Variants in CAMTA1 observed in about 807,000 individuals in gnomAD.
CAMTA1 encodes the protein calmodulin binding transcription activator 1.
CAMTA1 carries 27 observed loss-of-function variants against 170.9 expected under a neutral mutation model. That is an observed-to-expected ratio of 0.16 (90% CI 0.12 to 0.22). CAMTA1 has a LOEUF of 0.22. Among genes scored for constraint, CAMTA1 ranks in the 10% least tolerant of loss-of-function variants. The probability of loss-of-function intolerance (pLI) is 1.00; values close to 1 mark genes in which losing one functional copy is unlikely to be tolerated. For synonymous variants in CAMTA1, 833 were observed against 891.5 expected (o/e 0.93, Z 1.17); for missense variants, 1,619 against 2,217.2 (o/e 0.73, Z 5.42).
chr1:6,862,835 C>T lies in CAMTA1; in HGVS notation c.234+37625C>T, dbSNP rs139108684. On this transcript the variant is annotated intron_variant, in intron 3 of 22. Coordinates refer to ENST00000303635, the MANE Select transcript of CAMTA1 (RefSeq NM_015215.4). Reference sequence around the variant, plus strand: ...TGTGGGTATTTCTCAGCAATTAGAGCGAGGCTCTTTTCTTTTCCCTTGTTT... The same window carrying T: ...TGTGGGTATTTCTCAGCAATTAGAGTGAGGCTCTTTTCTTTTCCCTTGTTT... Among the ~76,000 whole-genome samples the T allele has an allele frequency of 2.1e-3, 320 of 152,272 alleles. 1 individual carries two copies. Among genetic ancestry groups the T allele is most frequent in the African/African-American group, 7.2e-3 (299 of 41,558 alleles).
chr1:7,139,353 AT>A (rs1645759273), intron 4 of CAMTA1, among the ~76,000 whole-genome samples: 1 of 146,472 alleles, frequency 6.8e-6, no homozygotes, highest in Non-Finnish European at 1.5e-5. Flanking sequence ...GTATATAAAT[AT>A]TTTATATATA....
intron 5 of CAMTA1, among the ~76,000 whole-genome samples, chr1:7,398,189 CTCTCTATA>C (rs1443911419): frequency 1.9e-3 from 62 of 32,278 alleles, no homozygotes; most frequent in Middle Eastern, 0.019. Context: ...CTCTCTCTCT[CTCTCTATA>C]TATATATATA....
chr1:7,084,360 G>T (rs1301094327), intron 3 of CAMTA1, among the ~76,000 whole-genome samples: 1 of 152,198 alleles, frequency 6.6e-6, no homozygotes, highest in Admixed American at 6.5e-5. Flanking sequence ...GAAGCTGTGG[G>T]AGGGGAGGCT....
In CAMTA1 at chr1:7,195,628, C is replaced by T. The variant is rs930000969; in HGVS notation, c.303-53863C>T. Among the ~76,000 whole-genome samples, 1 of 152,218 alleles carries T rather than the reference C, an allele frequency of 6.6e-6. No homozygotes were observed. The highest frequency in any genetic ancestry group is 2.1e-4 in the South Asian group (1 of 4,834). ...CACCTTCAGCCAGGTGCCCGCACTG[C>T]TCCTGAGACCACTCTGACCCCATGA... is the stretch of plus-strand genomic sequence containing the variant. On this transcript the variant is annotated intron_variant, in intron 4 of 22. Transcript: ENST00000303635. The surrounding 1 kb of genome is among the most constrained non-coding windows in gnomAD (Gnocchi z 4.1).
chr1:7,400,917 C>G (rs1280204966), intron 5 of CAMTA1, among the ~76,000 whole-genome samples: 1 of 152,154 alleles, frequency 6.6e-6, no homozygotes, highest in East Asian at 1.9e-4. Flanking sequence ...AGTCATTTAT[C>G]ATTATGTGAT....
At chr1:7,369,801 G>A (rs1574964683) in intron 5 of CAMTA1, among the ~76,000 whole-genome samples, 2 of 152,106 alleles carry the variant, frequency 1.3e-5, no homozygotes, top group African/African-American at 4.8e-5. Context: ...TTAGACTCTC[G>A]AGCATGGCCC....
rs1472546676 is a variant in CAMTA1, at chr1:7,664,416, A to G, written c.1869A>G (p.Lys623=). Residue 623 remains lysine (K), a synonymous_variant, in exon 9 of 23, where the codon AAA becomes AAG. Coordinates refer to ENST00000303635, the MANE Select transcript of CAMTA1 (RefSeq NM_015215.4). ...SPSFFLQDAS[K]PLPVEQNTHS... ...GCTTCTTCCTGCAGGACGCCAGCAA[A>G]CCCCTCCCCGTCGAGCAGAACACCC... 6 of 1,612,926 alleles carry G rather than the reference A, an allele frequency of 3.7e-6. No individual in the cohort carries two copies. The African/African-American group carries it at 8.0e-5, about 22-fold the overall frequency.
rs1312646075 is a variant in CAMTA1, at chr1:7,195,367, C to A, written c.303-54124C>A. Reference sequence around the variant, plus strand: ...GTCCAAGTGTTGCTATACACATTCTCTGCTTGTCTTGGCTATTTGGAAGCA... The same window carrying A: ...GTCCAAGTGTTGCTATACACATTCTATGCTTGTCTTGGCTATTTGGAAGCA... On this transcript the variant is annotated intron_variant, in intron 4 of 22. Coordinates refer to ENST00000303635, the MANE Select transcript of CAMTA1 (RefSeq NM_015215.4). This position sits in a 1 kb window ranked among gnomAD's most constrained non-coding sequence, Gnocchi z 4.1. Among the ~76,000 whole-genome samples the A allele has an allele frequency of 6.6e-6, 1 of 152,176 alleles. No homozygotes were observed. The highest frequency in any genetic ancestry group is 2.1e-4 in the South Asian group (1 of 4,828).
chr1:7,186,333 A>T (rs893278850), intron 4 of CAMTA1, among the ~76,000 whole-genome samples: 1 of 152,212 alleles, frequency 6.6e-6, no homozygotes, highest in African/African-American at 2.4e-5. Context: ...CTAGTATAAT[A>T]TCTTTCTTAG....
chr1:7,028,970 A>C (rs1702405111), intron 3 of CAMTA1, among the ~76,000 whole-genome samples: 1 of 152,202 alleles, frequency 6.6e-6, no homozygotes, highest in Non-Finnish European at 1.5e-5. Flanking sequence ...TGAAAGTGGA[A>C]AGTGTTATTG....
intron 5 of CAMTA1, among the ~76,000 whole-genome samples, chr1:7,342,102 C>T (rs891974850): frequency 3.9e-5 from 6 of 152,224 alleles, no homozygotes; most frequent in Admixed American, 6.5e-5. Flanking sequence ...ACAGCAGTTT[C>T]CTCATTGAAA....
intron 3 of CAMTA1, among the ~76,000 whole-genome samples, chr1:6,831,780 A>G (rs930625766): frequency 1.3e-5 from 2 of 152,222 alleles, no homozygotes; most frequent in Non-Finnish European, 1.5e-5. Context: ...AGATGTTTTT[A>G]GTTGGTGGTA....
intron 16 of CAMTA1, among the ~76,000 whole-genome samples, chr1:7,741,388 C>G (rs1467849397): frequency 6.6e-6 from 1 of 151,744 alleles, no homozygotes; most frequent in Middle Eastern, 3.2e-3. Context: ...ACGGTGAAAC[C>G]CCGTCTCTAC....
At chr1:7,016,986 C>A (rs1175205852) in intron 3 of CAMTA1, among the ~76,000 whole-genome samples, 1 of 152,214 alleles carries the variant, frequency 6.6e-6, no homozygotes, top group African/African-American at 2.4e-5. Context: ...CTTTCTGTCT[C>A]TTTTTCTGGT....
At chr1:7,631,302 G>A (rs1035966516) in intron 6 of CAMTA1, among the ~76,000 whole-genome samples, 17 of 152,160 alleles carry the variant, frequency 1.1e-4, no homozygotes, top group Non-Finnish European at 2.4e-4. Context: ...GGGGCACTGA[G>A]GCTGAGTGCA....
intron 5 of CAMTA1, among the ~76,000 whole-genome samples, chr1:7,322,879 GT>G (rs1325843463): frequency 2.0e-5 from 3 of 151,748 alleles, no homozygotes; most frequent in African/African-American, 7.3e-5. Flanking sequence ...TTGTATGCTT[GT>G]TTTCCATGTC....
At chr1:7,077,194 A>C (rs1639403665) in intron 3 of CAMTA1, among the ~76,000 whole-genome samples, 1 of 151,166 alleles carries the variant, frequency 6.6e-6, no homozygotes, top group African/African-American at 2.4e-5. Context: ...GTGTTTTCCA[A>C]ATGCAGGCAG....
intron 11 of CAMTA1, among the ~76,000 whole-genome samples, chr1:7,717,363 A>T (rs1443291565): frequency 2.6e-5 from 4 of 152,200 alleles, no homozygotes; most frequent in African/African-American, 9.7e-5. Context: ...TACATTTGTT[A>T]ATTAGCTAGA....
intron 3 of CAMTA1, among the ~76,000 whole-genome samples, chr1:6,828,753 G>T (rs1648354923): frequency 6.6e-6 from 1 of 152,086 alleles, no homozygotes; most frequent in African/African-American, 2.4e-5. Flanking sequence ...GAGCATACTT[G>T]ATAGAGCCTG....
Sources: allele counts gnomAD v4.1 joint callset (sites outside exome capture counted in the v4.1 genomes callset), GRCh38; gene constraint gnomAD v4.1.1; non-coding constraint Gnocchi (gnomAD v3.1); transcripts MANE v1.5; gene names NCBI Gene and HGNC (gene_info 2026-07-23, HGNC 2026-07-21).